The following PLSCR2 variants were observed in gnomAD, a reference collection of about 807,000 sequenced individuals.
PLSCR2 encodes the protein phospholipid scramblase 2, also known as PL scramblase 2.
Under a neutral mutation model 25.3 loss-of-function variants are expected in PLSCR2, and 18 were observed. That is an observed-to-expected ratio of 0.71 (90% CI 0.49 to 1.06). The LOEUF is 1.06. Among genes scored for constraint, PLSCR2 ranks in the 50% least tolerant of loss-of-function variants. The pLI, the probability that PLSCR2 is intolerant of heterozygous loss-of-function variation, is 0.00. For synonymous variants in PLSCR2, 88 were observed against 87.3 expected (o/e 1.01, Z -0.04); for missense variants, 243 against 269.5 (o/e 0.90, Z 0.69).
At chr3:146,470,999 T>A (rs1560042146) in intron 1 of PLSCR2, among the ~76,000 whole-genome samples, 1 of 152,190 alleles carries the variant, frequency 6.6e-6, no homozygotes, top group Non-Finnish European at 1.5e-5. Flanking sequence ...AAATGTTATA[T>A]ACATACAAAT....
intron 5 of PLSCR2, among the ~76,000 whole-genome samples, chr3:146,452,095 T>C (rs564456955): frequency 6.6e-6 from 1 of 152,312 alleles, no homozygotes; most frequent in East Asian, 1.9e-4. Context: ...GGTTGGAATT[T>C]GAAATTGGGA....
upstream of PLSCR2, among the ~76,000 whole-genome samples, chr3:146,462,459 CT>C (rs2041643033): frequency 2.6e-5 from 3 of 113,998 alleles, no homozygotes; most frequent in Admixed American, 1.1e-4. Flanking sequence ...TTTTTCTTTT[CT>C]TTTCTTTCTT....
At chr3:146,426,452 T>G (rs1006108339) in intron 2 of PLSCR2, among the ~76,000 whole-genome samples, 12 of 152,266 alleles carry the variant, frequency 7.9e-5, no homozygotes, top group African/African-American at 2.9e-4. Context: ...TGATCTTCAC[T>G]TGCCCAAATT....
downstream of PLSCR2, among the ~76,000 whole-genome samples, chr3:146,438,560 G>A (rs2040031691): frequency 6.6e-6 from 1 of 152,032 alleles, no homozygotes; most frequent in South Asian, 2.1e-4. Flanking sequence ...ATCTTTGTTG[G>A]TTTAAAGTCT....
At chr3:146,460,719 T>A (rs1270099922), upstream of PLSCR2, among the ~76,000 whole-genome samples, 1 of 150,708 alleles carries the variant, frequency 6.6e-6, no homozygotes, top group Non-Finnish European at 1.5e-5. Flanking sequence ...AACATCCTCC[T>A]GAAAACAAAT....
intron 5 of PLSCR2, among the ~76,000 whole-genome samples, chr3:146,453,207 T>C (rs969870383): frequency 6.6e-6 from 1 of 152,132 alleles, no homozygotes. Context: ...GTGGGGACAC[T>C]GTCAGAGTTC....
At chr3:146,457,412 A>G (rs2041281689) in intron 3 of PLSCR2, among the ~76,000 whole-genome samples, 1 of 152,194 alleles carries the variant, frequency 6.6e-6, no homozygotes, top group African/African-American at 2.4e-5. Flanking sequence ...GCACCTAGGA[A>G]GCACTGGACC....
intron 1 of PLSCR2, among the ~76,000 whole-genome samples, chr3:146,481,812 C>G (rs1454741125): frequency 6.6e-6 from 1 of 152,182 alleles, no homozygotes; most frequent in Non-Finnish European, 1.5e-5. Flanking sequence ...AGGCATCACA[C>G]TACCTGACTT....
chr3:146,412,837 G>T (rs1160077595), intron 2 of PLSCR2, among the ~76,000 whole-genome samples: 1 of 152,090 alleles, frequency 6.6e-6, no homozygotes, highest in Admixed American at 6.5e-5. Flanking sequence ...GTACGAGCTG[G>T]AGTGGTGGGG....
At chr3:146,425,160 G>A (rs1164273599) in intron 2 of PLSCR2, among the ~76,000 whole-genome samples, 1 of 152,056 alleles carries the variant, frequency 6.6e-6, no homozygotes, top group Non-Finnish European at 1.5e-5. Flanking sequence ...TGTTGCACCA[G>A]GAAGCACTGA....
chr3:146,426,227 C>A (rs1342749082), intron 2 of PLSCR2, among the ~76,000 whole-genome samples: 1 of 141,232 alleles, frequency 7.1e-6, no homozygotes, highest in Non-Finnish European at 1.5e-5. Context: ...CCTTCCCTCC[C>A]TCCTTCCCTC....
chr3:146,451,259 C>T (rs940685566), intron 5 of PLSCR2, among the ~76,000 whole-genome samples: 10 of 151,750 alleles, frequency 6.6e-5, no homozygotes, highest in East Asian at 1.9e-4. Context: ...GGATTACAGG[C>T]GCCTGCCACC....
chr3:146,468,901 A>T (rs2041984989), intron 1 of PLSCR2, among the ~76,000 whole-genome samples: 1 of 152,242 alleles, frequency 6.6e-6, no homozygotes. Flanking sequence ...TTCAGAAATG[A>T]GGCAATGGAA....
intron 3 of PLSCR2, among the ~76,000 whole-genome samples, chr3:146,394,210 G>A (rs2038196076): frequency 1.3e-5 from 2 of 151,164 alleles, no homozygotes; most frequent in Admixed American, 6.6e-5. Flanking sequence ...ATTTAGATTT[G>A]TCTTTTTAAA....
At chr3:146,408,064 A>G (rs2038718663) in intron 2 of PLSCR2, among the ~76,000 whole-genome samples, 1 of 152,208 alleles carries the variant, frequency 6.6e-6, no homozygotes, top group African/African-American at 2.4e-5. Context: ...TCCATTCACC[A>G]GAAGCACTTT....
chr3:146,432,891 ATTAAT>A (rs1173642732), downstream of PLSCR2, among the ~76,000 whole-genome samples: 2 of 152,176 alleles, frequency 1.3e-5, no homozygotes, highest in Non-Finnish European at 2.9e-5. Context: ...TGGTAAATCC[ATTAAT>A]TTAAAGACTA....
Position 146,458,392 on chromosome 3 carries a change from C to G in PLSCR2, c.100+19G>C. 1 of 1,491,936 alleles carries G rather than the reference C, an allele frequency of 6.7e-7. No homozygotes were observed. Among genetic ancestry groups the G allele is most frequent in the Non-Finnish European group, 9.1e-7 (1 of 1,100,510 alleles). 92.4% of individuals were successfully genotyped at this position (1,491,936 alleles called of 1,614,324 possible). A position where few individuals can be genotyped will look rare whatever the true frequency, so the allele number is the denominator to read the frequency against. Reference sequence around the variant, plus strand: ...CTTCTTCTCTTTTTAGAACTATGAGCAATACAATTAATACATACCTTCCAG... The same window carrying G: ...CTTCTTCTCTTTTTAGAACTATGAGGAATACAATTAATACATACCTTCCAG... On this transcript the variant is annotated intron_variant, in intron 3 of 6. Transcript: ENST00000610787.
At chr3:146,409,778 A>T (rs913796358) in intron 2 of PLSCR2, among the ~76,000 whole-genome samples, 4 of 152,066 alleles carry the variant, frequency 2.6e-5, no homozygotes, top group South Asian at 2.1e-4. Context: ...TATTATTATT[A>T]TTTTTTAAAA....
chr3:146,476,783 C>T (rs2108513700), intron 1 of PLSCR2, among the ~76,000 whole-genome samples: 1 of 152,352 alleles, frequency 6.6e-6, no homozygotes, highest in African/African-American at 2.4e-5. Context: ...ATGCATCCCT[C>T]CTTACTGGGT....
Sources: gnomAD v4.1 joint callset for allele counts (sites outside exome capture counted in the v4.1 genomes callset) on GRCh38, gnomAD v4.1.1 for gene constraint, MANE v1.5 for transcripts, NCBI Gene and HGNC (gene_info 2026-07-23, HGNC 2026-07-21) for gene names.